Variants in ITSN1 observed in about 807,000 individuals in gnomAD.
ITSN1 encodes the protein intersectin-1.
A neutral mutation model predicts 239.8 loss-of-function variants in ITSN1; 58 were observed. That is an observed-to-expected ratio of 0.24 (90% CI 0.20 to 0.30). ITSN1 has a LOEUF of 0.30. Ranked by LOEUF, ITSN1 falls within the 10% of genes least tolerant of loss-of-function variation. The pLI, the probability that ITSN1 is intolerant of heterozygous loss-of-function variation, is 1.00. For synonymous variants in ITSN1, 780 were observed against 770.8 expected, an observed-to-expected ratio of 1.01 and a Z score of -0.20; for missense variants, 1,558 against 2,103.3, an observed-to-expected ratio of 0.74 and a Z score of 5.07.
chr21:33,895,464 CGTGT>C lies in ITSN1; in HGVS notation c.*7170_*7173del, dbSNP rs890880056. On this transcript the variant is annotated 3_prime_UTR_variant, in exon 40 of 40. Coordinates refer to ENST00000381318, the MANE Select transcript of ITSN1 (RefSeq NM_003024.3). The stretch of plus-strand genomic sequence containing the variant: ...GTATGTGTTTGTGCGTGCACGTGTG[CGTGT>C]GTGTGCATGGGTTTGCGTGCATGCA... 1 of 142,030 alleles carries C rather than the reference CGTGT, an allele frequency of 7.0e-6. No homozygotes were observed. Among genetic ancestry groups the C allele is most frequent in the African/African-American group, 2.6e-5 (1 of 38,334 alleles). 8.8% of individuals were successfully genotyped at this position (142,030 alleles called of 1,614,324 possible). A position where few individuals can be genotyped will look rare whatever the true frequency, so the allele number is the denominator to read the frequency against.
chr21:33,795,836 T>A (rs1320433455), intron 17 of ITSN1, among the ~76,000 whole-genome samples: 1 of 151,978 alleles, frequency 6.6e-6, no homozygotes, highest in East Asian at 1.9e-4. Flanking sequence ...CATAAAAATA[T>A]AATATGGAAT....
chr21:33,848,046 C>T (rs1009588372), intron 29 of ITSN1, among the ~76,000 whole-genome samples: 8 of 152,244 alleles, frequency 5.3e-5, no homozygotes, highest in Non-Finnish European at 4.4e-5. Context: ...ATGCCACACA[C>T]AGCTGCCGCA....
chr21:33,661,282 GCA>G (rs1304991913), intron 1 of ITSN1, among the ~76,000 whole-genome samples: 2 of 151,972 alleles, frequency 1.3e-5, no homozygotes, highest in African/African-American at 4.8e-5. Flanking sequence ...TCAAATGATT[GCA>G]CAGTGATTTT....
intron 1 of ITSN1, among the ~76,000 whole-genome samples, chr21:33,696,485 T>C (rs2091798236): frequency 6.6e-6 from 1 of 152,352 alleles, no homozygotes; most frequent in African/African-American, 2.4e-5. Context: ...CACTGGATTC[T>C]CAGTTACTTA....
chr21:33,669,300 C>T (rs2090115496), intron 1 of ITSN1, among the ~76,000 whole-genome samples: 1 of 152,156 alleles, frequency 6.6e-6, no homozygotes, highest in South Asian at 2.1e-4. Context: ...CCAGGCTGGT[C>T]TTGAACTCTT....
intron 24 of ITSN1, among the ~76,000 whole-genome samples, chr21:33,821,091 G>T (rs2244151): frequency 0.48 from 73,050 of 152,110 alleles, 19,019 homozygotes; most frequent in East Asian, 0.7. Context: ...CTTTTATGTC[G>T]TTTTTGCTTC....
chr21:33,732,334 G>A (rs2066240254), intron 4 of ITSN1, among the ~76,000 whole-genome samples: 1 of 152,196 alleles, frequency 6.6e-6, no homozygotes, highest in African/African-American at 2.4e-5. Flanking sequence ...AATGAGGCAT[G>A]TCTGACTTCC....
intron 31 of ITSN1, among the ~76,000 whole-genome samples, chr21:33,863,077 G>T (rs1360236913): frequency 6.6e-6 from 1 of 152,236 alleles, no homozygotes; most frequent in Non-Finnish European, 1.5e-5. Context: ...GGCTGCAGCA[G>T]CCGAGTCACA....
At chr21:33,707,814 G>T (rs1304787470) in intron 1 of ITSN1, among the ~76,000 whole-genome samples, 1 of 152,076 alleles carries the variant, frequency 6.6e-6, no homozygotes, top group Non-Finnish European at 1.5e-5. Flanking sequence ...TGACATTTGG[G>T]TTTCAGTTTT....
intron 29 of ITSN1, chr21:33,836,847 C>G: frequency 1.5e-6 from 1 of 680,094 alleles, no homozygotes; most frequent in Non-Finnish European, 2.5e-6. Flanking sequence ...AGCATGTCCC[C>G]TCCCTCCCCT....
rs1986586461 is a variant in ITSN1 at position 33,894,694 on chromosome 21, GTGCGACTC to G, written c.*6398_*6405del. 6.6e-6 allele frequency: 1 copy of G among 152,194 alleles called. No homozygotes were observed. Among genetic ancestry groups the G allele is most frequent in the African/African-American group, 2.4e-5 (1 of 41,432 alleles). 9.4% of individuals were successfully genotyped at this position (152,194 alleles called of 1,614,324 possible). On this transcript the variant is annotated 3_prime_UTR_variant, in exon 40 of 40. Transcript: ENST00000381318. ...TATCTTTTGAAAGAATAACATTCCT[GTGCGACTC>G]TGCTTCTCTTCGCTTTTGCATTTCT...
At chr21:33,794,237 C>T (rs1275413122) in intron 16 of ITSN1, 104 bp from the exon 17 acceptor site, 3 of 834,242 alleles carry the variant, frequency 3.6e-6, no homozygotes, top group African/African-American at 1.7e-5. Flanking sequence ...AACGTTATCT[C>T]CTAAGTGTCC....
At chr21:33,644,769 G>T (rs2087776262) in intron 1 of ITSN1, among the ~76,000 whole-genome samples, 1 of 151,790 alleles carries the variant, frequency 6.6e-6, no homozygotes, top group Non-Finnish European at 1.5e-5. Context: ...CCTAGACTGG[G>T]ACAAACTATC....
Position 33,883,644 on chromosome 21 carries a change from C to T in ITSN1, c.4649C>T (p.Thr1550Ile), listed in dbSNP as rs1985295287. ...ATCTCCCACATTGACCGCGTCTATA[C>T]TCTCCGAGCAGAAAGCATAAATGAA... ...FHISHIDRVYTLRAESINERT... is the reference protein window; with the variant it reads ...FHISHIDRVYILRAESINERT... The change falls in exon 36 of 40, where the codon ACT becomes ATT. Residue 1550 changes from threonine to isoleucine, a missense_variant. Coordinates refer to ENST00000381318, the MANE Select transcript of ITSN1 (RefSeq NM_003024.3). The T allele has an allele frequency of 6.8e-6, 11 of 1,613,690 alleles. No homozygotes were observed. The highest frequency in any genetic ancestry group is 8.5e-6 in the Non-Finnish European group (10 of 1,179,684).
At chr21:33,819,592 T>G (rs1315322266) in intron 24 of ITSN1, among the ~76,000 whole-genome samples, 1 of 152,228 alleles carries the variant, frequency 6.6e-6, no homozygotes, top group Non-Finnish European at 1.5e-5. Context: ...TCACTAAGAA[T>G]CGAGTTTTCC....
At position 33,799,886 on chromosome 21, in the gene ITSN1, G is replaced by A; in HGVS notation, c.2261G>A (p.Arg754Lys). ...YYRALYPFES[R>K]SHDEITIQPG... Reference sequence around the variant, plus strand: ...CGGGCACTGTACCCCTTTGAATCCAGAAGCCATGATGAAATCACTATCCAG... The same window carrying A: ...CGGGCACTGTACCCCTTTGAATCCAAAAGCCATGATGAAATCACTATCCAG... The change falls in exon 19 of 40, where the codon AGA becomes AAA. Residue 754 changes from arginine to lysine, a missense_variant. This residue lies in a region of ITSN1 where 982 missense variants were observed against 1,209.9 expected (regional missense o/e 0.81). Coordinates refer to ENST00000381318, the MANE Select transcript of ITSN1 (RefSeq NM_003024.3). 1.2e-6 allele frequency: 2 copies of A among 1,614,022 alleles called. No homozygotes were observed. The highest frequency in any genetic ancestry group is 1.7e-6 in the Non-Finnish European group (2 of 1,179,948).
rs71322243 is a variant in ITSN1 at position 33,763,229 on chromosome 21, C to CAAA, written c.788+1265_788+1267dup. ...CAAGTCCCCCAGGCCGCCCCCCAAC[C>CAAA]AAAAAAAAAAAAAAAAAAAAAAAAC... is the stretch of plus-strand genomic sequence containing the variant. On this transcript the variant is annotated intron_variant, in intron 9 of 39. Coordinates refer to ENST00000381318, the MANE Select transcript of ITSN1 (RefSeq NM_003024.3). 8.5e-3 allele frequency among the ~76,000 whole-genome samples: 593 copies of CAAA among 69,564 alleles called. 3 individuals are homozygous for CAAA. Among genetic ancestry groups the CAAA allele is most frequent in the Middle Eastern group, 0.029 (3 of 104 alleles). The allele number at this position is 69,564 out of a possible 152,430, so 45.6% of individuals were successfully genotyped here.
intron 4 of ITSN1, among the ~76,000 whole-genome samples, chr21:33,731,119 G>GTAT (rs1408313743): frequency 1.4e-4 from 21 of 152,180 alleles, no homozygotes; most frequent in Non-Finnish European, 8.8e-5. Context: ...TGGGATTGTC[G>GTAT]TATGTGGTTT....
At chr21:33,672,912 A>G (rs906509290) in intron 1 of ITSN1, among the ~76,000 whole-genome samples, 1 of 152,256 alleles carries the variant, frequency 6.6e-6, no homozygotes, top group African/African-American at 2.4e-5. Flanking sequence ...GGGTTTCACC[A>G]TGTTGGCCAG....
Sources: gnomAD v4.1 joint callset for allele counts (sites outside exome capture counted in the v4.1 genomes callset) on GRCh38, gnomAD v4.1.1 for gene constraint, gnomAD v4.1.1 regional missense constraint, MANE v1.5 for transcripts, NCBI Gene and HGNC (gene_info 2026-07-23, HGNC 2026-07-21) for gene names.